The following CHCHD2 variants were observed in gnomAD, a reference collection of about 807,000 sequenced individuals.
The protein encoded by CHCHD2 is coiled-coil-helix-coiled-coil-helix domain-containing protein 2.
In CHCHD2, 17 loss-of-function variants were observed where a neutral mutation model predicts 17.5. The observed-to-expected ratio is 0.97, with a 90% CI of 0.67 to 1.46. The LOEUF (loss-of-function observed/expected upper bound fraction) is 1.46, where lower values mean the gene tolerates loss of function less well. CHCHD2 is among the 40% of genes most tolerant of loss of function. The pLI, the probability that CHCHD2 is intolerant of heterozygous loss-of-function variation, is 0.00. For synonymous variants in CHCHD2, 63 were observed against 74.3 expected (o/e 0.85, Z 0.78); for missense variants, 175 against 199.9 (o/e 0.88, Z 0.75).
intron 2 of CHCHD2, 119 bp from the exon 3 acceptor site, chr7:56,103,130 T>A: frequency 1.0e-6 from 1 of 964,914 alleles, no homozygotes; most frequent in Non-Finnish European, 1.6e-6. Context: ...AGATGCTAAT[T>A]AAAGTTTCCA....
Position 56,106,464 on chromosome 7 carries a change from C to T in CHCHD2, c.-51G>A, listed in dbSNP as rs540264762. 6.3e-7 allele frequency: 1 copy of T among 1,582,812 alleles called. No individual in the cohort carries two copies. Among genetic ancestry groups the T allele is most frequent in the East Asian group, 2.2e-5 (1 of 44,574 alleles). ...CGGACGTGGGACAACCACCGAAGAG[C>T]TAAGCGACTTCTGAGGAGACCGGAA... On this transcript the variant is annotated 5_prime_UTR_variant, in exon 1 of 4. Transcript: ENST00000395422.
intron 2 of CHCHD2, 137 bp downstream of exon 2, chr7:56,104,089 G>C: frequency 3.4e-6 from 4 of 1,166,416 alleles, no homozygotes; most frequent in Non-Finnish European, 5.0e-6. Flanking sequence ...GCCAAATGTG[G>C]CTTTAAAACC....
Position 56,104,277 on chromosome 7 carries a change from G to A in CHCHD2, c.249C>T (p.Gly83=), listed in dbSNP as rs1384687071. ...GCTCAGCATTACTTCCTCCACTGAA[G>A]CCCCCAGTAATGGCGTGACCCAATG... is the stretch of plus-strand genomic sequence containing the variant. The part of the protein sequence containing the change: ...GHTLGHAITG[G]FSGGSNAEPA... The change falls in exon 2 of 4, where the codon GGC becomes GGT. Residue 83 remains glycine, a synonymous_variant. Transcript: ENST00000395422. 9.3e-6 allele frequency: 15 copies of A among 1,613,734 alleles called. No individual in the cohort carries two copies. Among genetic ancestry groups the A allele is most frequent in the East Asian group, 2.2e-5 (1 of 44,864 alleles).
At chr7:56,102,790 A>G in intron 3 of CHCHD2, 77 bp downstream of exon 3, 2 of 1,481,930 alleles carry the variant, frequency 1.3e-6, no homozygotes, top group Middle Eastern at 2.1e-4. Context: ...TTTATTAAAC[A>G]CAGATTACCC....
chr7:56,101,836 G>C lies in CHCHD2; in HGVS notation c.*15C>G. 6.2e-7 allele frequency: 1 copy of C among 1,611,064 alleles called. No individual in the cohort carries two copies. The highest frequency in any genetic ancestry group is 8.5e-7 in the Non-Finnish European group (1 of 1,177,884). ...TGAGAGCTGATTTTCCATCTCTCCA[G>C]GTTGAACTTCTTCATTAGGCCAATC... is the stretch of plus-strand genomic sequence containing the variant. On this transcript the variant is annotated 3_prime_UTR_variant, in exon 4 of 4. Coordinates refer to ENST00000395422, the MANE Select transcript of CHCHD2 (RefSeq NM_016139.4).
At position 56,104,416 on chromosome 7, in the gene CHCHD2, G is replaced by A. The variant is rs1427631250; in HGVS notation, c.110C>T (p.Ala37Val). 60 of 1,609,738 alleles carry A rather than the reference G, an allele frequency of 3.7e-5. No individual in the cohort carries two copies. Among genetic ancestry groups the A allele is most frequent in the Non-Finnish European group, 4.8e-5 (56 of 1,178,478 alleles). ...AGAGCCAACTGCAGATGGGGGTGCCGCTGCTGGTGGCTGAGCGACTGGTGC... is the reference window on the plus strand; with the variant it reads ...AGAGCCAACTGCAGATGGGGGTGCCACTGCTGGTGGCTGAGCGACTGGTGC... ...RPAPVAQPPAAAPPSAVGSSA... is the reference protein window; with the variant it reads ...RPAPVAQPPAVAPPSAVGSSA... Residue 37 changes from alanine (A) to valine (V), a missense_variant, in exon 2 of 4, where the codon GCG becomes GTG. Ala to Val is a moderately conservative substitution (Grantham distance 64). Coordinates refer to ENST00000395422, the MANE Select transcript of CHCHD2 (RefSeq NM_016139.4).
intron 1 of CHCHD2, among the ~76,000 whole-genome samples, chr7:56,105,100 G>A (rs1785358860): frequency 6.7e-6 from 1 of 148,666 alleles, no homozygotes; most frequent in African/African-American, 2.5e-5. Flanking sequence ...TAGTAGAGAC[G>A]GAGTTTCACC....
Position 56,104,266 on chromosome 7 carries a change from C to T in CHCHD2, c.260G>A (p.Gly87Glu), listed in dbSNP as rs1366330193. The part of the protein sequence containing the change: ...GHAITGGFSG[G>E]SNAEPARPDI... ...AGGCCTCGCAGGCTCAGCATTACTT[C>T]CTCCACTGAAGCCCCCAGTAATGGC... Residue 87 changes from glycine (G) to glutamate (E), a missense_variant, in exon 2 of 4, where the codon GGA (glycine) becomes GAA (glutamate). Gly to Glu is a moderately conservative substitution (Grantham distance 98, BLOSUM62 -2). Coordinates refer to ENST00000395422, the MANE Select transcript of CHCHD2 (RefSeq NM_016139.4). 1 of 1,613,766 alleles carries T rather than the reference C, an allele frequency of 6.2e-7. No individual in the cohort carries two copies.
intron 1 of CHCHD2, among the ~76,000 whole-genome samples, chr7:56,105,252 T>C (rs1315793767): frequency 3.3e-5 from 5 of 152,232 alleles, no homozygotes; most frequent in Non-Finnish European, 5.9e-5. Context: ...TAGGACATAC[T>C]AGTTTTTTCT....
At chr7:56,101,910 A>G (rs1471511753) in intron 3 of CHCHD2, 49 bp from the exon 4 acceptor site, 1 of 1,565,162 alleles carries the variant, frequency 6.4e-7, no homozygotes, top group East Asian at 2.2e-5. Context: ...TCGTATACTC[A>G]ATAAAACAGA....
intron 1 of CHCHD2, among the ~76,000 whole-genome samples, chr7:56,106,105 C>G (rs1188791942): frequency 6.6e-6 from 1 of 152,178 alleles, no homozygotes; most frequent in East Asian, 1.9e-4. Flanking sequence ...CAAGCTAGGT[C>G]AAAATTTATG....
rs145190179 is a variant in CHCHD2, at chr7:56,104,432, C to G, written c.94G>C (p.Ala32Pro). Residue 32 changes from alanine to proline, a missense_variant, in exon 2 of 4, where the codon GCT becomes CCT. Coordinates refer to ENST00000395422, the MANE Select transcript of CHCHD2 (RefSeq NM_016139.4). ...GGGGGTGCCGCTGCTGGTGGCTGAG[C>G]GACTGGTGCTGGCCTGGGTGCAGCT... is the stretch of plus-strand genomic sequence containing the variant. ...MRAAPRPAPV[A>P]QPPAAAPPSA... The G allele has an allele frequency of 6.2e-7, 1 of 1,609,318 alleles. No homozygotes were observed. The highest frequency in any genetic ancestry group is 8.5e-7 in the Non-Finnish European group (1 of 1,178,384).
In CHCHD2 at chr7:56,104,473, C is replaced by T. The variant is rs758600568; in HGVS notation, c.53G>A (p.Arg18Gln). 5.3e-5 allele frequency: 82 copies of T among 1,553,296 alleles called. No individual in the cohort carries two copies. The highest frequency in any genetic ancestry group is 3.8e-4 in the African/African-American group (28 of 72,998). ...GGGTGCAGCTCTCATCTGAGGGGCCCGGCTGTGAAAGAAAAGAAAAAAACA... is the reference window on the plus strand; with the variant it reads ...GGGTGCAGCTCTCATCTGAGGGGCCTGGCTGTGAAAGAAAAGAAAAAAACA... ...RTSRMAPPAS[R>Q]APQMRAAPRP... The change falls in exon 2 of 4, where the codon CGG becomes CAG. Residue 18 changes from arginine to glutamine, a missense_variant and splice_region_variant. Physicochemically the swap from Arg to Gln is conservative, Grantham distance 43. Transcript: ENST00000395422.
In CHCHD2 at chr7:56,104,270, C is replaced by T. The variant is rs1785340766; in HGVS notation, c.256G>A (p.Gly86Arg). ...LGHAITGGFS[G>R]GSNAEPARPD... ...CTCGCAGGCTCAGCATTACTTCCTC[C>T]ACTGAAGCCCCCAGTAATGGCGTGA... is the stretch of plus-strand genomic sequence containing the variant. Residue 86 changes from glycine (G) to arginine (R), a missense_variant, in exon 2 of 4, where the codon GGA (glycine) becomes AGA (arginine). Gly to Arg is a moderately radical substitution (Grantham distance 125). Transcript: ENST00000395422. 1 of 1,613,778 alleles carries T rather than the reference C, an allele frequency of 6.2e-7. No homozygotes were observed. The highest frequency in any genetic ancestry group is 8.5e-7 in the Non-Finnish European group (1 of 1,179,702).
intron 1 of CHCHD2, among the ~76,000 whole-genome samples, 162 bp from the exon 2 acceptor site, chr7:56,104,637 C>T (rs1198567356): frequency 7.3e-5 from 11 of 150,736 alleles, no homozygotes; most frequent in Middle Eastern, 3.4e-3. Context: ...GATGGAGCTT[C>T]GCTCTTGTTG....
chr7:56,101,774 C>G lies in CHCHD2; in HGVS notation c.*77G>C, dbSNP rs971324568. 2 of 1,321,682 alleles carry G rather than the reference C, an allele frequency of 1.5e-6. No individual in the cohort carries two copies. The highest frequency in any genetic ancestry group is 1.2e-5 in the South Asian group (1 of 82,194). 81.9% of individuals were successfully genotyped at this position (1,321,682 alleles called of 1,614,324 possible). On this transcript the variant is annotated 3_prime_UTR_variant, in exon 4 of 4. Coordinates refer to ENST00000395422, the MANE Select transcript of CHCHD2 (RefSeq NM_016139.4). ...CTGATGGTTACACTTTATACCCTCA[C>G]TATCAATTCTATTTTTATACTAAAT...
At chr7:56,103,987 T>C (rs1017599484) in intron 2 of CHCHD2, among the ~76,000 whole-genome samples, 3 of 152,246 alleles carry the variant, frequency 2.0e-5, no homozygotes, top group Non-Finnish European at 4.4e-5. Flanking sequence ...TGTTTTACAG[T>C]GAGTCAAGTG....
At chr7:56,104,128 T>C (rs1229432126) in intron 2 of CHCHD2, 98 bp downstream of exon 2, 2 of 1,525,070 alleles carry the variant, frequency 1.3e-6, no homozygotes, top group African/African-American at 2.7e-5. Flanking sequence ...CAGTGGGTTC[T>C]AAAATCAAAG....
chr7:56,104,392 G>A lies in CHCHD2; in HGVS notation c.134C>T (p.Ser45Phe), dbSNP rs747083456. The A allele has an allele frequency of 3.1e-6, 5 of 1,611,670 alleles. No homozygotes were observed. The South Asian group carries it at 4.4e-5, about 14-fold the overall frequency. The change falls in exon 2 of 4, where the codon TCT becomes TTT. Residue 45 changes from serine (S) to phenylalanine (F), a missense_variant. By Grantham distance (155) the Ser-to-Phe change is radical. Transcript: ENST00000395422. Reference sequence around the variant, plus strand: ...TGGCTGCCGGGGCGCAGCAGCAGAAGAGCCAACTGCAGATGGGGGTGCCGC... The same window carrying A: ...TGGCTGCCGGGGCGCAGCAGCAGAAAAGCCAACTGCAGATGGGGGTGCCGC... Reference protein sequence around the residue: ...PAAAPPSAVGSSAAAPRQPGL... With the variant: ...PAAAPPSAVGFSAAAPRQPGL...
Sources: allele counts gnomAD v4.1 joint callset (sites outside exome capture counted in the v4.1 genomes callset), GRCh38; gene constraint gnomAD v4.1.1; transcripts MANE v1.5; gene names NCBI Gene and HGNC (gene_info 2026-07-23, HGNC 2026-07-21).